The following TPSD1 variants were observed in gnomAD, a reference collection of about 807,000 sequenced individuals.
TPSD1 encodes tryptase delta 1.
In TPSD1, 30 loss-of-function variants were observed where a neutral mutation model predicts 25.4. The ratio of observed to expected loss-of-function variants is 1.18; its 90% CI spans 0.88 to 1.60. TPSD1 has a LOEUF of 1.60. Among genes scored for constraint, TPSD1 ranks in the 40% most tolerant of loss-of-function variants. The pLI is 0.00. For synonymous variants in TPSD1, 176 were observed against 149.4 expected (o/e 1.18, Z -1.30); for missense variants, 420 against 324.2 (o/e 1.30, Z -2.27).
intron 3 of TPSD1, among the ~76,000 whole-genome samples, chr16:1,257,667 C>T (rs1239711659): frequency 2.0e-5 from 3 of 152,140 alleles, no homozygotes; most frequent in African/African-American, 2.4e-5. Flanking sequence ...CCCGCTATTC[C>T]GCCCCACACA....
rs1410598881 is a variant in TPSD1 at position 1,256,423 on chromosome 16, G to A, written c.82+61G>A. ...ACATTCCACAGATCAGGGCCTGGGT[G>A]GGTTCTGGGGAGGCCGGGCTGGCCC... On this transcript the variant is annotated intron_variant, in intron 1 of 4. Transcript: ENST00000211076. The A allele has an allele frequency of 2.5e-6, 4 of 1,610,324 alleles. No individual in the cohort carries two copies. The South Asian group carries it at 3.3e-5, about 13-fold the overall frequency.
In TPSD1 at chr16:1,256,916, C is replaced by T. The variant is rs755942604; in HGVS notation, c.374C>T (p.Thr125Ile). 1 of 1,613,996 alleles carries T rather than the reference C, an allele frequency of 6.2e-7. No homozygotes were observed. The highest frequency in any genetic ancestry group is 1.7e-5 in the Admixed American group (1 of 60,032). The change falls in exon 3 of 5, where the codon ACC becomes ATC. Residue 125 changes from threonine to isoleucine, a missense_variant. Coordinates refer to ENST00000211076, the MANE Select transcript of TPSD1 (RefSeq NM_012217.3). ...CACCCACAGTTCTACATCATCCAGA[C>T]CGGGGCGGACATCGCCCTGCTGGAG... is the stretch of plus-strand genomic sequence containing the variant. ...IVHPQFYIIQ[T>I]GADIALLELE...
chr16:1,257,209 G>A (rs761024925), intron 3 of TPSD1, 147 bp downstream of exon 3: 8 of 1,169,740 alleles, frequency 6.8e-6, no homozygotes, highest in Non-Finnish European at 9.4e-6. Flanking sequence ...GTGGCGAGAG[G>A]CAGCAGGTGC....
chr16:1,256,479 G>C (rs2030968972), intron 1 of TPSD1, 37 bp from the exon 2 acceptor site: 3 of 1,606,720 alleles, frequency 1.9e-6, no homozygotes, highest in Non-Finnish European at 1.7e-6. Flanking sequence ...CCCAGGCGTG[G>C]GGCGGCTTCT....
chr16:1,258,646 G>A lies in TPSD1; in HGVS notation c.*270G>A. The A allele has an allele frequency of 1.8e-6, 1 of 562,004 alleles. No individual in the cohort carries two copies. Among genetic ancestry groups the A allele is most frequent in the Non-Finnish European group, 2.6e-6 (1 of 384,432 alleles). 34.8% of individuals were successfully genotyped at this position (562,004 alleles called of 1,614,324 possible). A position where few individuals can be genotyped will look rare whatever the true frequency, so the allele number is the denominator to read the frequency against. On this transcript the variant is annotated 3_prime_UTR_variant, in exon 5 of 5. Transcript: ENST00000211076. ...TCCTGAGCCCTGTCCCCTGTCCTGAGCCCCCTCCCCTTTCTTGATCCCCTC... is the reference window on the plus strand; with the variant it reads ...TCCTGAGCCCTGTCCCCTGTCCTGAACCCCCTCCCCTTTCTTGATCCCCTC...
At chr16:1,257,253 G>A in intron 3 of TPSD1, 191 bp downstream of exon 3, 1 of 771,942 alleles carries the variant, frequency 1.3e-6, no homozygotes, top group Non-Finnish European at 2.0e-6. Flanking sequence ...AAGGGCCTGG[G>A]CGTCCCCCAC....
At position 1,257,876 on chromosome 16, in the gene TPSD1, G is replaced by A. The variant is rs1217490753; in HGVS notation, c.521-183G>A. 3 of 677,132 alleles carry A rather than the reference G, an allele frequency of 4.4e-6. No homozygotes were observed. In the Admixed American group the frequency reaches 8.9e-5, roughly 20 times the overall value. 41.9% of individuals were successfully genotyped at this position (677,132 alleles called of 1,614,324 possible). On this transcript the variant is annotated intron_variant, in intron 3 of 4. Coordinates refer to ENST00000211076, the MANE Select transcript of TPSD1 (RefSeq NM_012217.3). ...CAGATGGGGCTTAAATGAGGCCAGG[G>A]ACCCAGGACCAGCCTCAGCGGAGGG...
At position 1,256,558 on chromosome 16, in the gene TPSD1, AG is replaced by A. The variant is rs3830782; in HGVS notation, c.127del (p.Glu43ArgfsTer11). The A allele has an allele frequency of 0.22, 347,175 of 1,611,500 alleles. 40,333 individuals are homozygous for A. The highest frequency in any genetic ancestry group is 0.39 in the African/African-American group (28,852 of 74,902). The part of the protein sequence containing the change: ...ALQQTGIVGG[Q>X]EAPRSKWPWQ... The stretch of plus-strand genomic sequence containing the variant: ...CAGCAAACGGGCATTGTTGGGGGGC[AG>A]GAGGCCCCCAGGAGCAAGTGGCCCT... On this transcript the variant is annotated frameshift_variant, in exon 2 of 5. Transcript: ENST00000211076. LOFTEE classifies it high-confidence loss of function.
At chr16:1,257,895 C>G in intron 3 of TPSD1, 164 bp from the exon 4 acceptor site, 1 of 736,564 alleles carries the variant, frequency 1.4e-6, no homozygotes, top group South Asian at 1.9e-5. Context: ...CCAGCCTCAG[C>G]GGAGGGGCCT....
chr16:1,258,425 C>T lies in TPSD1; in HGVS notation c.*49C>T, dbSNP rs374197261. 63 of 1,613,278 alleles carry T rather than the reference C, an allele frequency of 3.9e-5. No homozygotes were observed. Among genetic ancestry groups the T allele is most frequent in the East Asian group, 2.0e-4 (9 of 44,846 alleles). ...GGAGGAGAGCTGTGCCCAGCCCAACCGGCCTGGCATCTACACCCGTGTCAC... is the reference window on the plus strand; with the variant it reads ...GGAGGAGAGCTGTGCCCAGCCCAACTGGCCTGGCATCTACACCCGTGTCAC... On this transcript the variant is annotated 3_prime_UTR_variant, in exon 5 of 5. Transcript: ENST00000211076.
At chr16:1,257,756 G>A (rs1403590614) in intron 3 of TPSD1, among the ~76,000 whole-genome samples, 1 of 152,180 alleles carries the variant, frequency 6.6e-6, no homozygotes. Context: ...CCAGACGAAA[G>A]TCAGCTGAGC....
intron 3 of TPSD1, chr16:1,257,507 T>A (rs2031001527): frequency 4.0e-6 from 1 of 247,182 alleles, no homozygotes; most frequent in Non-Finnish European, 7.8e-6. Flanking sequence ...TGGACGAAGC[T>A]CACTGTGGCC....
chr16:1,257,145 C>T (rs2030993558), intron 3 of TPSD1, 83 bp downstream of exon 3: 1 of 1,477,716 alleles, frequency 6.8e-7, no homozygotes, highest in African/African-American at 1.4e-5. Flanking sequence ...GACAGGGTCC[C>T]TCAGGGCGGC....
rs1596501498 is a variant in TPSD1, at chr16:1,258,376, A to G, written c.729A>G (p.Ter243=). The part of the protein sequence containing the change: ...GPLVCKVNGT[*] ...TGGTCTGCAAGGTGAATGGCACCTA[A>G]CTGCAGGCGGGCGTGGTCAGCTGGG... The change falls in exon 5 of 5, where the codon TAA becomes TAG. Residue 243 remains the stop codon, a stop_retained_variant. Transcript: ENST00000211076. 1.2e-6 allele frequency: 2 copies of G among 1,609,162 alleles called. No homozygotes were observed. The highest frequency in any genetic ancestry group is 1.7e-4 in the Middle Eastern group (1 of 6,058).
chr16:1,257,075 G>C lies in TPSD1; in HGVS notation c.520+13G>C. The C allele has an allele frequency of 6.3e-7, 1 of 1,589,834 alleles. No homozygotes were observed. The highest frequency in any genetic ancestry group is 1.3e-5 in the African/African-American group (1 of 74,700). On this transcript the variant is annotated intron_variant, in intron 3 of 4. Transcript: ENST00000211076. ...GTGGACAATAATGGTGGGTGTTGGG[G>C]ACAGCGGGAGGCCGGGCCAGGTGGG...
intron 2 of TPSD1, 35 bp downstream of exon 2, chr16:1,256,722 G>A (rs760387373): frequency 1.9e-6 from 3 of 1,611,738 alleles, no homozygotes; most frequent in South Asian, 2.2e-5. Context: ...GTGGGCAAGG[G>A]CTGGATGTGA....
intron 4 of TPSD1, 48 bp downstream of exon 4, chr16:1,258,270 G>A: frequency 1.9e-6 from 3 of 1,611,386 alleles, no homozygotes; most frequent in Non-Finnish European, 2.5e-6. Context: ...TGGCCAGCGA[G>A]CGCATCCCTC....
chr16:1,258,613 C>G lies in TPSD1; in HGVS notation c.*237C>G. The G allele has an allele frequency of 3.3e-6, 4 of 1,201,638 alleles. No individual in the cohort carries two copies. The highest frequency in any genetic ancestry group is 4.7e-6 in the Non-Finnish European group (4 of 856,118). The allele number at this position is 1,201,638 out of a possible 1,614,324, so 74.4% of individuals were successfully genotyped here. ...CACACCTTCCCCCATCCTGAGTCCC[C>G]TCTCCCATCCTGAGCCCTGTCCCCT... On this transcript the variant is annotated 3_prime_UTR_variant, in exon 5 of 5. Transcript: ENST00000211076.
rs553553999 is a variant in TPSD1, at chr16:1,256,233, C to A, written c.-48C>A. The A allele has an allele frequency of 1.2e-6, 2 of 1,612,020 alleles. No homozygotes were observed. Among genetic ancestry groups the A allele is most frequent in the Admixed American group, 1.7e-5 (1 of 59,932 alleles). The stretch of plus-strand genomic sequence containing the variant: ...CGTCCCAGCTCCATTCTTCACCCCA[C>A]AATCTGTAGCCCCCAGCCCTGCCCT... On this transcript the variant is annotated 5_prime_UTR_variant, in exon 1 of 5. Transcript: ENST00000211076.
Sources: allele counts gnomAD v4.1 joint callset (sites outside exome capture counted in the v4.1 genomes callset), GRCh38; gene constraint gnomAD v4.1.1; transcripts MANE v1.5; gene names NCBI Gene and HGNC (gene_info 2026-07-23, HGNC 2026-07-21).